FAM171A1: variants seen among roughly 807,000 people sequenced by gnomAD.
FAM171A1 encodes family with sequence similarity 171 member A1.
Under a neutral mutation model 74.9 loss-of-function variants are expected in FAM171A1, and 23 were observed. That is an observed-to-expected ratio of 0.31 (90% confidence interval 0.22 to 0.44). FAM171A1 has a LOEUF of 0.44. Among genes scored for constraint, FAM171A1 ranks in the 20% least tolerant of loss-of-function variants. The pLI, the probability that FAM171A1 is intolerant of heterozygous loss-of-function variation, is 1.00. For missense variants in FAM171A1, 1,162 were observed against 1,159.2 expected, an observed-to-expected ratio of 1.00 and a Z score of -0.03; for synonymous variants, 527 against 505.7, an observed-to-expected ratio of 1.04 and a Z score of -0.57.
chr10:15,370,234 A>ATTT (rs1288902617), intron 1 of FAM171A1, among the ~76,000 whole-genome samples: 2 of 127,714 alleles, frequency 1.6e-5, no homozygotes, highest in African/African-American at 5.9e-5. Flanking sequence ...TCTGGAAAGG[A>ATTT]TTTTTCTTTT....
chr10:15,265,494 A>G (rs1834727577), intron 3 of FAM171A1, among the ~76,000 whole-genome samples: 1 of 145,916 alleles, frequency 6.9e-6, no homozygotes, highest in Admixed American at 7.0e-5. Flanking sequence ...GCATGCCTAT[A>G]GTCCCAACTA....
intron 3 of FAM171A1, among the ~76,000 whole-genome samples, chr10:15,268,232 T>C (rs1834773230): frequency 6.6e-6 from 1 of 152,050 alleles, no homozygotes; most frequent in Non-Finnish European, 1.5e-5. Flanking sequence ...GGAAAACCAT[T>C]GAAGATCCAA....
chr10:15,369,941 T>C (rs1673765544), intron 1 of FAM171A1, among the ~76,000 whole-genome samples: 1 of 151,942 alleles, frequency 6.6e-6, no homozygotes, highest in Admixed American at 6.6e-5. Context: ...CCGGCAAGAG[T>C]CCAGGCAGCG....
At chr10:15,230,072 T>A (rs1206033540) in intron 5 of FAM171A1, among the ~76,000 whole-genome samples, 1 of 152,258 alleles carries the variant, frequency 6.6e-6, no homozygotes, top group African/African-American at 2.4e-5. Context: ...ACTGTATATA[T>A]AGAATTATCA....
chr10:15,366,264 C>T (rs1364977453), intron 1 of FAM171A1, among the ~76,000 whole-genome samples: 1 of 152,018 alleles, frequency 6.6e-6, no homozygotes, highest in African/African-American at 2.4e-5. Context: ...GGATTACAGG[C>T]GCCCGCCACC....
chr10:15,235,138 C>A (rs1236839384), intron 5 of FAM171A1, among the ~76,000 whole-genome samples: 2 of 151,908 alleles, frequency 1.3e-5, no homozygotes. Context: ...GGCCAAACCT[C>A]GTCTCTACTA....
At chr10:15,374,491 TA>T (rs559290009), upstream of FAM171A1, among the ~76,000 whole-genome samples, 427 of 152,336 alleles carry the variant, frequency 2.8e-3, 1 homozygote, top group African/African-American at 9.7e-3. Flanking sequence ...TTTACAGGAA[TA>T]AAAAATATGA....
In FAM171A1 at chr10:15,268,337, C is replaced by G. The variant is rs569469010; in HGVS notation, c.418+7518G>C. 2.6e-4 allele frequency among the ~76,000 whole-genome samples: 39 copies of G among 152,204 alleles called. 2 individuals carry two copies. In the South Asian group the frequency reaches 7.9e-3, roughly 31 times the overall value. ...ACCCGTTAAAAACCTACTGCAGTGC[C>G]TGAGGGGACATGGTGGTATCCTGGA... is the stretch of plus-strand genomic sequence containing the variant. On this transcript the variant is annotated intron_variant, in intron 3 of 7. Transcript: ENST00000378116.
At chr10:15,307,258 C>T (rs1835306282) in intron 1 of FAM171A1, among the ~76,000 whole-genome samples, 1 of 152,130 alleles carries the variant, frequency 6.6e-6, no homozygotes, top group African/African-American at 2.4e-5. Flanking sequence ...GGGGCTGAAC[C>T]TGCAACCCTG....
rs1192171608 is a variant in FAM171A1, at chr10:15,257,440, G to A, written c.419-2561C>T. On this transcript the variant is annotated intron_variant, in intron 3 of 7. Transcript: ENST00000378116. ...CCAGGCTGCTCTCCCCAGCTCTCAG[G>A]GCCCTGGTGTCTCCCCCTGATCCTC... 2.6e-5 allele frequency among the ~76,000 whole-genome samples: 4 copies of A among 152,096 alleles called. No homozygotes were observed. In the South Asian group the frequency reaches 8.3e-4, roughly 32 times the overall value.
At chr10:15,214,719 G>C in intron 7 of FAM171A1, 118 bp from the exon 8 acceptor site, 1 of 1,323,452 alleles carries the variant, frequency 7.6e-7, no homozygotes, top group Non-Finnish European at 1.0e-6. Context: ...AACAAAACAA[G>C]TCAGGAGCAG....
chr10:15,252,596 C>CA (rs1403075075), intron 4 of FAM171A1, among the ~76,000 whole-genome samples: 1 of 152,166 alleles, frequency 6.6e-6, no homozygotes, highest in Non-Finnish European at 1.5e-5. Context: ...TGTCTGTGCT[C>CA]AAGGGAGCCC....
chr10:15,370,133 T>C (rs1836118309), intron 1 of FAM171A1, among the ~76,000 whole-genome samples: 1 of 152,080 alleles, frequency 6.6e-6, no homozygotes, highest in East Asian at 1.9e-4. Context: ...TCGTGGCCAT[T>C]CTCAGAGGCG....
intron 1 of FAM171A1, among the ~76,000 whole-genome samples, chr10:15,367,831 T>A (rs1381243601): frequency 6.6e-6 from 1 of 152,200 alleles, no homozygotes; most frequent in Non-Finnish European, 1.5e-5. Context: ...AAAATAAACA[T>A]CATCCAATAA....
chr10:15,266,030 G>T (rs1834735789), intron 3 of FAM171A1, among the ~76,000 whole-genome samples: 1 of 152,166 alleles, frequency 6.6e-6, no homozygotes, highest in South Asian at 2.1e-4. Flanking sequence ...AGGCCACTTG[G>T]CAGGAGTGAG....
intron 1 of FAM171A1, among the ~76,000 whole-genome samples, chr10:15,361,408 G>T (rs1835992505): frequency 6.6e-6 from 1 of 152,090 alleles, no homozygotes; most frequent in Non-Finnish European, 1.5e-5. Flanking sequence ...TCTTGCCAAG[G>T]GTAGCAACTC....
chr10:15,226,236 G>A lies in FAM171A1; in HGVS notation c.755-5176C>T, dbSNP rs572035343. On this transcript the variant is annotated intron_variant, in intron 5 of 7. Coordinates refer to ENST00000378116, the MANE Select transcript of FAM171A1 (RefSeq NM_001010924.2). ...TGGTCGTGCAGCCGGCATTTTAGGA[G>A]GTGGCTGGACAATGACATGTGCCTC... Among the ~76,000 whole-genome samples the A allele has an allele frequency of 2.7e-4, 41 of 152,326 alleles. No individual in the cohort carries two copies. The East Asian group carries it at 6.4e-3, about 24-fold the overall frequency.
At chr10:15,319,192 A>G (rs144070246) in intron 1 of FAM171A1, among the ~76,000 whole-genome samples, 1 of 152,302 alleles carries the variant, frequency 6.6e-6, no homozygotes, top group African/African-American at 2.4e-5. Flanking sequence ...CGGTCTTTCA[A>G]CTGACTCATG....
At position 15,212,866 on chromosome 10, in the gene FAM171A1, A is replaced by T; in HGVS notation, c.*49T>A. On this transcript the variant is annotated 3_prime_UTR_variant, in exon 8 of 8. Transcript: ENST00000378116. ...GAACGGGTACGCGCTTCCATGAGAA[A>T]GGATATTTGGCAATTTTATATTCCA... 2.5e-6 allele frequency: 4 copies of T among 1,601,474 alleles called. No homozygotes were observed. The highest frequency in any genetic ancestry group is 3.4e-6 in the Non-Finnish European group (4 of 1,175,782).
Sources: allele counts gnomAD v4.1 joint callset (sites outside exome capture counted in the v4.1 genomes callset), GRCh38; gene constraint gnomAD v4.1.1; transcripts MANE v1.5; gene names NCBI Gene and HGNC (gene_info 2026-07-23, HGNC 2026-07-21).